The following CDKL5 variants were observed in gnomAD, a reference collection of about 807,000 sequenced individuals.
CDKL5 encodes cyclin dependent kinase like 5.
A neutral mutation model predicts 61.7 loss-of-function variants in CDKL5; 8 were observed. The ratio of observed to expected loss-of-function variants is 0.13; its 90% CI spans 0.08 to 0.23. The LOEUF (loss-of-function observed/expected upper bound fraction) is 0.23, where lower values mean the gene tolerates loss of function less well. CDKL5 is among the 10% of genes least tolerant of loss of function. The probability of loss-of-function intolerance (pLI) is 1.00; values close to 1 mark genes in which losing one functional copy is unlikely to be tolerated. For missense variants in CDKL5, 440 were observed against 734.5 expected, an observed-to-expected ratio of 0.60 and a Z score of 4.63; for synonymous variants, 275 against 272.3, an observed-to-expected ratio of 1.01 and a Z score of -0.10.
intron 11 of CDKL5, among the ~76,000 whole-genome samples, chrX:18,600,488 A>C (rs906728581): frequency 1.8e-5 from 2 of 111,959 alleles, no homozygotes; most frequent in African/African-American, 6.5e-5. Context: ...TAGCTCCTTT[A>C]GTTTACACCG....
intron 1 of CDKL5, among the ~76,000 whole-genome samples, chrX:18,448,003 T>C (rs1931919932): frequency 1.8e-5 from 2 of 110,739 alleles, no homozygotes; most frequent in Admixed American, 1.9e-4. Context: ...CCAACTGCCT[T>C]GACCTCCCAA....
intron 3 of CDKL5, among the ~76,000 whole-genome samples, chrX:18,557,519 C>G (rs777309496): frequency 9.0e-6 from 1 of 111,111 alleles, no homozygotes; most frequent in Non-Finnish European, 1.9e-5. Flanking sequence ...TGGCTTAATC[C>G]GTGAATAGTA....
chrX:18,626,683 T>C (rs1927057548), intron 17 of CDKL5: 1 of 32,289 alleles, frequency 3.1e-5, no homozygotes, highest in Middle Eastern at 8.0e-3. Flanking sequence ...TCTCTCTCTC[T>C]CTCTCTCTCT....
At chrX:18,450,979 A>G (rs1384073646) in intron 1 of CDKL5, among the ~76,000 whole-genome samples, 1 of 109,843 alleles carries the variant, frequency 9.1e-6, no homozygotes, top group Admixed American at 9.9e-5. Flanking sequence ...CATTTAATCC[A>G]TGACACCTCT....
chrX:18,538,714 A>G (rs913498270), intron 3 of CDKL5, among the ~76,000 whole-genome samples: 4 of 111,750 alleles, frequency 3.6e-5, no homozygotes, highest in Non-Finnish European at 7.5e-5. Flanking sequence ...TTCCTTTTGC[A>G]GTGAAAAATC....
At chrX:18,570,559 G>T (rs1479305100) in intron 4 of CDKL5, among the ~76,000 whole-genome samples, 1 of 111,156 alleles carries the variant, frequency 9.0e-6, no homozygotes, top group Non-Finnish European at 1.9e-5. Flanking sequence ...TCAAGGATGG[G>T]TTGATTTTTC....
chrX:18,468,970 G>A (rs774388037), intron 1 of CDKL5, among the ~76,000 whole-genome samples: 1 of 111,485 alleles, frequency 9.0e-6, no homozygotes, highest in Non-Finnish European at 1.9e-5. Context: ...AAAGCTGTAC[G>A]AAAATGTATA....
Position 18,635,491 on chromosome X carries a change from A to G in CDKL5, c.*6734A>G, listed in dbSNP as rs1602304548. On this transcript the variant is annotated 3_prime_UTR_variant, in exon 18 of 18. Transcript: ENST00000623535. The stretch of plus-strand genomic sequence containing the variant: ...TTTAGTTCCTTCTTGGGAAGAAAGA[A>G]TGCATTCGAATTCAAATGAGGGATG... The G allele has an allele frequency of 1.3e-6, 1 of 754,408 alleles. No homozygotes were observed. Among genetic ancestry groups the G allele is most frequent in the Non-Finnish European group, 1.6e-6 (1 of 639,275 alleles). The allele number at this position is 754,408 out of a possible 1,213,427, so 62.2% of individuals were successfully genotyped here. A position where few individuals can be genotyped will look rare whatever the true frequency, so the allele number is the denominator to read the frequency against.
At chrX:18,563,442 G>T (rs1319230637) in intron 3 of CDKL5, among the ~76,000 whole-genome samples, 7 of 111,678 alleles carry the variant, frequency 6.3e-5, no homozygotes, top group Middle Eastern at 4.7e-3. Flanking sequence ...ATCCATTAAT[G>T]TACAAATAAG....
chrX:18,649,172 G>T (rs1029228058), intron 20 of CDKL5, among the ~76,000 whole-genome samples: 1 of 111,136 alleles, frequency 9.0e-6, no homozygotes, highest in Non-Finnish European at 1.9e-5. Flanking sequence ...TATTTAGGGG[G>T]TCTTGTGCTT....
chrX:18,583,290 A>G (rs1925540596), intron 7 of CDKL5, among the ~76,000 whole-genome samples: 1 of 111,406 alleles, frequency 9.0e-6, no homozygotes, highest in Admixed American at 9.6e-5. Context: ...CACATGCGGT[A>G]TCCTGTGTCC....
At chrX:18,512,306 C>T (rs1922856096) in intron 3 of CDKL5, among the ~76,000 whole-genome samples, 1 of 111,596 alleles carries the variant, frequency 9.0e-6, no homozygotes, top group Non-Finnish European at 1.9e-5. Flanking sequence ...GTGATTTTAG[C>T]AATTTAACCC....
At chrX:18,544,485 A>G (rs1057063160) in intron 3 of CDKL5, among the ~76,000 whole-genome samples, 1 of 111,538 alleles carries the variant, frequency 9.0e-6, no homozygotes, top group Non-Finnish European at 1.9e-5. Flanking sequence ...AATAAGTGAT[A>G]TTATTATATC....
In CDKL5 at chrX:18,439,394, GGT is replaced by G. The variant is rs752724398; in HGVS notation, c.-163+13726_-163+13727del. Among the ~76,000 whole-genome samples the G allele has an allele frequency of 2.9e-3, 293 of 101,320 alleles. 2 individuals are homozygous for G. The highest frequency in any genetic ancestry group is 0.014 in the East Asian group (47 of 3,285). The allele number at this position is 101,320 out of a possible 115,157, so 88.0% of individuals were successfully genotyped here. ...AAATGCTGAGTTCTATTCCATAATA[GGT>G]GTGTGTGTGTGTGTGTGTGTGTGTG... On this transcript the variant is annotated intron_variant, in intron 1 of 17. Transcript: ENST00000623535.
intron 15 of CDKL5, among the ~76,000 whole-genome samples, chrX:18,617,557 C>T (rs190279969): frequency 8.9e-6 from 1 of 112,213 alleles, no homozygotes; most frequent in Non-Finnish European, 1.9e-5. Context: ...TTTCAAGTGC[C>T]TTTGTTCCAG....
At chrX:18,548,363 C>T in intron 3 of CDKL5, among the ~76,000 whole-genome samples, 1 of 111,324 alleles carries the variant, frequency 9.0e-6, no homozygotes, top group Non-Finnish European at 1.9e-5. Context: ...TATCTAATAG[C>T]CTTCTCTTTC....
At chrX:18,465,823 A>T (rs1256770996) in intron 1 of CDKL5, among the ~76,000 whole-genome samples, 1 of 111,930 alleles carries the variant, frequency 8.9e-6, no homozygotes, top group Non-Finnish European at 1.9e-5. Flanking sequence ...CCTTCACTTT[A>T]TTAGGTCCCT....
At chrX:18,598,376 T>C (rs1449905214) in intron 10 of CDKL5, 86 bp from the exon 11 acceptor site, 23 of 765,841 alleles carry the variant, frequency 3.0e-5, no homozygotes, top group Non-Finnish European at 4.2e-5. Flanking sequence ...TGTGTATTTC[T>C]TTTATAAGGA....
intron 5 of CDKL5, among the ~76,000 whole-genome samples, chrX:18,578,614 C>T (rs1380483905): frequency 1.8e-5 from 2 of 112,251 alleles, no homozygotes; most frequent in Non-Finnish European, 3.8e-5. Flanking sequence ...TGCATGTTAA[C>T]ATAGATAAGT....
Sources: allele counts gnomAD v4.1 joint callset (sites outside exome capture counted in the v4.1 genomes callset), GRCh38; gene constraint gnomAD v4.1.1; transcripts MANE v1.5; gene names NCBI Gene and HGNC (gene_info 2026-07-23, HGNC 2026-07-21).